The following CSMD1 variants were observed in gnomAD, a reference collection of about 807,000 sequenced individuals.
The protein encoded by CSMD1 is CUB and Sushi multiple domains 1, also known as CUB and sushi domain-containing protein 1.
Under a neutral mutation model 417.5 loss-of-function variants are expected in CSMD1, and 213 were observed. That is an observed-to-expected ratio of 0.51 (90% CI 0.46 to 0.57). The LOEUF is 0.57. CSMD1 is among the 20% of genes least tolerant of loss of function. The probability of loss-of-function intolerance (pLI) is 0.00; values close to 1 mark genes in which losing one functional copy is unlikely to be tolerated. For synonymous variants in CSMD1, 2,862 were observed against 1,736.8 expected (o/e 1.65, Z -16.11); for missense variants, 6,923 against 4,529.7 (o/e 1.53, Z -15.17).
chr8:4,019,374 C>T (rs181308105), intron 4 of CSMD1, among the ~76,000 whole-genome samples: 20 of 152,258 alleles, frequency 1.3e-4, no homozygotes, highest in Admixed American at 9.2e-4. Flanking sequence ...CATACATCTC[C>T]GTGAAGCTGC....
At chr8:3,084,275 G>C (rs528664591) in intron 49 of CSMD1, among the ~76,000 whole-genome samples, 5 of 152,234 alleles carry the variant, frequency 3.3e-5, no homozygotes, top group Admixed American at 2.6e-4. Context: ...TGTAATCCCA[G>C]CACTTTGGGA....
At chr8:4,088,379 A>G (rs969512208) in intron 3 of CSMD1, among the ~76,000 whole-genome samples, 4 of 152,232 alleles carry the variant, frequency 2.6e-5, no homozygotes, top group Non-Finnish European at 5.9e-5. Flanking sequence ...CTTTTGCGGG[A>G]AAGAGCTTTG....
intron 1 of CSMD1, among the ~76,000 whole-genome samples, chr8:4,656,487 A>T (rs902059609): frequency 1.6e-4 from 25 of 152,044 alleles, no homozygotes; most frequent in African/African-American, 6.1e-4. Flanking sequence ...TTTACGGACC[A>T]TTTCATAAAA....
At chr8:4,401,264 G>T (rs1804627149) in intron 3 of CSMD1, among the ~76,000 whole-genome samples, 1 of 152,076 alleles carries the variant, frequency 6.6e-6, no homozygotes, top group South Asian at 2.1e-4. Context: ...TTAGATATAT[G>T]TCTTGAAACC....
chr8:4,286,707 T>C (rs1184895917), intron 3 of CSMD1, among the ~76,000 whole-genome samples: 1 of 152,204 alleles, frequency 6.6e-6, no homozygotes, highest in East Asian at 1.9e-4. Flanking sequence ...AACAAGAGAA[T>C]GTATGCAGCT....
intron 26 of CSMD1, among the ~76,000 whole-genome samples, chr8:3,280,397 A>G (rs936013545): frequency 6.6e-6 from 1 of 152,208 alleles, no homozygotes; most frequent in Non-Finnish European, 1.5e-5. Context: ...CCAGAGTTGT[A>G]GTCTAGACTA....
chr8:4,576,074 C>G (rs949476772), intron 2 of CSMD1, among the ~76,000 whole-genome samples: 20 of 152,230 alleles, frequency 1.3e-4, no homozygotes, highest in African/African-American at 4.3e-4. Context: ...CACCAGTGCT[C>G]CACATGCCAG....
chr8:3,755,916 C>CT (rs992588928), intron 5 of CSMD1, among the ~76,000 whole-genome samples: 7 of 151,988 alleles, frequency 4.6e-5, no homozygotes, highest in African/African-American at 1.7e-4. Context: ...ATTTAATCAC[C>CT]TTTTTTTATT....
chr8:3,945,197 A>C (rs3109776), intron 5 of CSMD1, among the ~76,000 whole-genome samples: 1 of 141,990 alleles, frequency 7.0e-6, no homozygotes, highest in African/African-American at 2.6e-5. Context: ...AAAAAAAAAA[A>C]CAGAAGCTAA....
intron 3 of CSMD1, among the ~76,000 whole-genome samples, chr8:4,113,083 T>C (rs1023457473): frequency 2.0e-5 from 3 of 152,186 alleles, no homozygotes; most frequent in Non-Finnish European, 2.9e-5. Flanking sequence ...TGTAAGACAG[T>C]GAACTTAAAT....
chr8:4,427,461 G>T (rs1797627944), intron 2 of CSMD1, among the ~76,000 whole-genome samples: 1 of 150,204 alleles, frequency 6.7e-6, no homozygotes, highest in South Asian at 2.1e-4. Context: ...AATCAAGCAG[G>T]CAAAGTTCAG....
chr8:3,054,184 C>G (rs778752596), intron 49 of CSMD1, among the ~76,000 whole-genome samples: 1 of 151,968 alleles, frequency 6.6e-6, no homozygotes. Flanking sequence ...TTCTTCTTTA[C>G]CAAAATATTA....
At chr8:4,430,221 T>A (rs371114281) in intron 2 of CSMD1, among the ~76,000 whole-genome samples, 1 of 152,176 alleles carries the variant, frequency 6.6e-6, no homozygotes, top group African/African-American at 2.4e-5. Context: ...GGCCCCAGCT[T>A]TCTCATGCCA....
At chr8:4,405,372 TG>T (rs1268006463) in intron 3 of CSMD1, among the ~76,000 whole-genome samples, 1 of 152,214 alleles carries the variant, frequency 6.6e-6, no homozygotes, top group Non-Finnish European at 1.5e-5. Flanking sequence ...GTTTAGATTC[TG>T]GCACAAACTA....
chr8:4,040,190 G>C (rs947130699), intron 3 of CSMD1, among the ~76,000 whole-genome samples: 1 of 152,046 alleles, frequency 6.6e-6, no homozygotes, highest in Non-Finnish European at 1.5e-5. Flanking sequence ...GGAAGTGAAG[G>C]AGAAGGACAT....
intron 36 of CSMD1, among the ~76,000 whole-genome samples, chr8:3,184,265 C>T (rs1455274475): frequency 6.6e-6 from 1 of 152,194 alleles, no homozygotes; most frequent in African/African-American, 2.4e-5. Flanking sequence ...CCAAACTAAG[C>T]CACTCACTCA....
At chr8:4,911,401 G>C (rs1003053630) in intron 1 of CSMD1, among the ~76,000 whole-genome samples, 5 of 152,152 alleles carry the variant, frequency 3.3e-5, no homozygotes, top group Non-Finnish European at 5.9e-5. Flanking sequence ...AGATTTGTTA[G>C]GTAATTCCCT....
At chr8:3,635,564 A>G (rs1796996762) in intron 7 of CSMD1, among the ~76,000 whole-genome samples, 1 of 150,296 alleles carries the variant, frequency 6.7e-6, no homozygotes. Context: ...GCTCACTGCA[A>G]GCTACACATC....
At chr8:4,385,490 G>C (rs897316351) in intron 3 of CSMD1, among the ~76,000 whole-genome samples, 1 of 151,992 alleles carries the variant, frequency 6.6e-6, no homozygotes, top group African/African-American at 2.4e-5. Flanking sequence ...TAGATATTTG[G>C]AGCTTAGTAC....
Sources: allele counts gnomAD v4.1 joint callset (sites outside exome capture counted in the v4.1 genomes callset), GRCh38; gene constraint gnomAD v4.1.1; transcripts MANE v1.5; gene names NCBI Gene and HGNC (gene_info 2026-07-23, HGNC 2026-07-21).